Variants in MYO1E observed in about 807,000 individuals in gnomAD.
The protein encoded by MYO1E is unconventional myosin-Ie.
In MYO1E, 68 loss-of-function variants were observed where a neutral mutation model predicts 151.1. The ratio of observed to expected loss-of-function variants is 0.45; its 90% CI spans 0.37 to 0.55. The LOEUF is 0.55. MYO1E is among the 20% of genes least tolerant of loss of function. The pLI, the probability that MYO1E is intolerant of heterozygous loss-of-function variation, is 0.00. For missense variants in MYO1E, 1,363 were observed against 1,389.3 expected (o/e 0.98, Z 0.30); for synonymous variants, 601 against 501.7 (o/e 1.20, Z -2.64).
chr15:59,312,015 T>G (rs1482849094), intron 1 of MYO1E, among the ~76,000 whole-genome samples: 1 of 152,222 alleles, frequency 6.6e-6, no homozygotes, highest in African/African-American at 2.4e-5. Context: ...CTTTTCATTA[T>G]AAATTACCCA....
At chr15:59,262,630 G>A (rs1324108132) in intron 2 of MYO1E, among the ~76,000 whole-genome samples, 1 of 152,130 alleles carries the variant, frequency 6.6e-6, no homozygotes, top group Non-Finnish European at 1.5e-5. Context: ...CAGCCTGGGT[G>A]ACAGAAAGAG....
intron 1 of MYO1E, among the ~76,000 whole-genome samples, chr15:59,346,388 T>C (rs1481145190): frequency 2.0e-5 from 3 of 152,130 alleles, no homozygotes; most frequent in African/African-American, 7.2e-5. Context: ...CTGGGACACT[T>C]GAGGAGAACC....
intron 1 of MYO1E, among the ~76,000 whole-genome samples, chr15:59,310,602 C>T (rs1369286345): frequency 2.0e-5 from 3 of 152,148 alleles, no homozygotes; most frequent in Non-Finnish European, 2.9e-5. Context: ...TCGGAAGGAG[C>T]GTGGTCCTGA....
intron 12 of MYO1E, among the ~76,000 whole-genome samples, chr15:59,211,537 C>T (rs1305755109): frequency 3.9e-5 from 6 of 152,124 alleles, no homozygotes; most frequent in Non-Finnish European, 1.5e-5. Context: ...GTCTATACCT[C>T]GCCACGGGGT....
intron 4 of MYO1E, among the ~76,000 whole-genome samples, chr15:59,248,774 T>A (rs1225701129): frequency 6.6e-6 from 1 of 152,200 alleles, no homozygotes; most frequent in Non-Finnish European, 1.5e-5. Flanking sequence ...ACACCCTTAG[T>A]TCATGTGTTC....
At chr15:59,162,039 C>T (rs1020168734) in intron 23 of MYO1E, among the ~76,000 whole-genome samples, 11 of 152,012 alleles carry the variant, frequency 7.2e-5, no homozygotes, top group African/African-American at 2.4e-4. Context: ...AGCTAAATAA[C>T]TTTCTTTCTG....
At chr15:59,223,212 T>G in intron 8 of MYO1E, 21 bp from the exon 9 acceptor site, 1 of 1,613,230 alleles carries the variant, frequency 6.2e-7, no homozygotes, top group Non-Finnish European at 8.5e-7. Flanking sequence ...AAAGAGAAAC[T>G]ATCCAGAGAA....
rs1015484228 is a variant in MYO1E, at chr15:59,208,609, G to A, written c.1530+72C>T. On this transcript the variant is annotated intron_variant, in intron 14 of 27. Coordinates refer to ENST00000288235, the MANE Select transcript of MYO1E (RefSeq NM_004998.4). ...TAAAATACGGCGAGCCATATGATTT[G>A]CTTCATGAGAAACCAGATCACAAAC... 3.9e-6 allele frequency: 6 copies of A among 1,552,552 alleles called. No homozygotes were observed. The African/African-American group carries it at 8.2e-5, about 21-fold the overall frequency.
chr15:59,172,022 G>A lies in MYO1E; in HGVS notation c.2355C>T (p.Leu785=), dbSNP rs746300003. The A allele has an allele frequency of 6.2e-7, 1 of 1,614,038 alleles. No individual in the cohort carries two copies. Among genetic ancestry groups the A allele is most frequent in the African/African-American group, 1.3e-5 (1 of 74,914 alleles). The change falls in exon 22 of 28, where the codon CTC becomes CTT. Residue 785 remains leucine (L), a synonymous_variant. Coordinates refer to ENST00000288235, the MANE Select transcript of MYO1E (RefSeq NM_004998.4). ...RRFKGVKRDL[L]LTPKCLYLIG... is the part of the protein sequence containing the mutation. ...TTAAGTACAAGCACTTTGGGGTAAG[G>A]AGCAGGTCTCGCTTTACACCCTGTA... is the stretch of plus-strand genomic sequence containing the variant.
intron 24 of MYO1E, among the ~76,000 whole-genome samples, chr15:59,158,887 G>C (rs1274326894): frequency 6.6e-6 from 1 of 152,140 alleles, no homozygotes; most frequent in African/African-American, 2.4e-5. Context: ...AAGCAGACTT[G>C]TACCCTTGAC....
At chr15:59,158,185 A>G (rs901871876) in intron 25 of MYO1E, 102 bp downstream of exon 25, 34 of 1,012,146 alleles carry the variant, frequency 3.4e-5, no homozygotes, top group African/African-American at 4.8e-5. Context: ...TGCCTGGTTA[A>G]TATGTGTGCA....
chr15:59,267,687 C>T (rs141742515), intron 2 of MYO1E, among the ~76,000 whole-genome samples: 9 of 152,274 alleles, frequency 5.9e-5, no homozygotes, highest in African/African-American at 9.6e-5. Context: ...AAAGTTGGAC[C>T]GAATGAGCAC....
rs2080271970 is a variant in MYO1E, at chr15:59,268,720, A to ATTTTTTTTTTTTTTTTTTTTGTTTTTTT, written c.147+3585_147+3586insAAAAAAACAAAAAAAAAAAAAAAAAAAA. ...GTGATGGGTTCTGGGTGACTTTGGT[A>ATTTTTTTTTTTTTTTTTTTTGTTTTTTT]TTTTTTTTTTTTTTTTTTTTTGCTT... On this transcript the variant is annotated intron_variant, in intron 2 of 27. Transcript: ENST00000288235. Among the ~76,000 whole-genome samples the ATTTTTTTTTTTTTTTTTTTTGTTTTTTT allele has an allele frequency of 4.5e-5, 2 of 44,906 alleles. 1 individual carries two copies. Among genetic ancestry groups the ATTTTTTTTTTTTTTTTTTTTGTTTTTTT allele is most frequent in the African/African-American group, 1.2e-4 (2 of 17,240 alleles). 29.5% of individuals were successfully genotyped at this position (44,906 alleles called of 152,430 possible).
At chr15:59,203,428 G>A (rs145158479) in intron 15 of MYO1E, among the ~76,000 whole-genome samples, 4,986 of 149,052 alleles carry the variant, frequency 0.033, 279 homozygotes, top group African/African-American at 0.12. Flanking sequence ...TCACCAGGCT[G>A]GAGTGCAGTG....
chr15:59,150,890 C>A (rs567514166), intron 26 of MYO1E, among the ~76,000 whole-genome samples: 1 of 152,068 alleles, frequency 6.6e-6, no homozygotes, highest in Non-Finnish European at 1.5e-5. Context: ...TTCTACTGCA[C>A]ACTAGAGTTT....
intron 1 of MYO1E, among the ~76,000 whole-genome samples, chr15:59,318,704 G>A: frequency 6.6e-6 from 1 of 152,150 alleles, no homozygotes; most frequent in East Asian, 1.9e-4. Context: ...CATTTATTGA[G>A]TACTTACTGT....
intron 1 of MYO1E, among the ~76,000 whole-genome samples, chr15:59,280,666 T>C (rs1269571197): frequency 6.6e-6 from 1 of 151,994 alleles, no homozygotes; most frequent in Non-Finnish European, 1.5e-5. Context: ...TGATGTGTTA[T>C]AGCTTAACTG....
chr15:59,359,366 G>A (rs1388377452), intron 1 of MYO1E, among the ~76,000 whole-genome samples: 9 of 149,520 alleles, frequency 6.0e-5, no homozygotes, highest in African/African-American at 1.7e-4. Flanking sequence ...GCTCATGCCT[G>A]TAGTCCCAGA....
chr15:59,343,963 C>CTCTT (rs2080779955), intron 1 of MYO1E, among the ~76,000 whole-genome samples: 1 of 152,170 alleles, frequency 6.6e-6, no homozygotes, highest in African/African-American at 2.4e-5. Flanking sequence ...ATTTTAAGCT[C>CTCTT]TCTTTCTGAA....
Sources: allele counts gnomAD v4.1 joint callset (sites outside exome capture counted in the v4.1 genomes callset), GRCh38; gene constraint gnomAD v4.1.1; transcripts MANE v1.5; gene names NCBI Gene and HGNC (gene_info 2026-07-23, HGNC 2026-07-21).